The following TNR variants were observed in gnomAD, a reference collection of about 807,000 sequenced individuals.
TNR encodes the protein tenascin-R.
TNR carries 45 observed loss-of-function variants against 150.4 expected under a neutral mutation model. That is an observed-to-expected ratio of 0.30 (90% confidence interval 0.24 to 0.38). The LOEUF is 0.38. TNR is among the 10% of genes least tolerant of loss of function. The pLI, the probability that TNR is intolerant of heterozygous loss-of-function variation, is 1.00. For missense variants in TNR, 1,544 were observed against 1,759.1 expected (o/e 0.88, Z 2.19); for synonymous variants, 687 against 678.4 (o/e 1.01, Z -0.20).
At chr1:175,515,028 C>T (rs1250018839) in intron 2 of TNR, among the ~76,000 whole-genome samples, 3 of 152,160 alleles carry the variant, frequency 2.0e-5, no homozygotes, top group African/African-American at 7.2e-5. Context: ...GAGACCAACT[C>T]GTTCCGGGCC....
intron 2 of TNR, among the ~76,000 whole-genome samples, chr1:175,451,304 TTGG>T (rs1656307443): frequency 6.6e-6 from 1 of 152,180 alleles, no homozygotes; most frequent in South Asian, 2.1e-4. Context: ...ATGTGCCATG[TTGG>T]TGTGCTGCAC....
chr1:175,348,789 A>G (rs1260944421), intron 18 of TNR, among the ~76,000 whole-genome samples: 1 of 152,200 alleles, frequency 6.6e-6, no homozygotes, highest in Non-Finnish European at 1.5e-5. Context: ...AGAGAAATAA[A>G]TCTAGAAAGT....
rs1649823861 is a variant in TNR at position 175,331,078 on chromosome 1, C to CCTTCTCTTTCTTTCTTTCT, written c.3632-844_3632-843insAGAAAGAAAGAAAGAGAAG. ...CTTTCTTTCTTTCTTTCTTTCTTTCCTTCTTTCTTTCTTTCTTTCTTTCTC... is the reference window on the plus strand; with the variant it reads ...CTTTCTTTCTTTCTTTCTTTCTTTCCCTTCTCTTTCTTTCTTTCTTTCTTTCTTTCTTTCTTTCTTTCTC... On this transcript the variant is annotated intron_variant, in intron 20 of 22. Transcript: ENST00000367674. 8.0e-4 allele frequency among the ~76,000 whole-genome samples: 48 copies of CCTTCTCTTTCTTTCTTTCT among 59,948 alleles called. 4 individuals carry two copies. The highest frequency in any genetic ancestry group is 3.1e-3 in the Admixed American group (18 of 5,826). The allele number at this position is 59,948 out of a possible 152,430, so 39.3% of individuals were successfully genotyped here. A position where few individuals can be genotyped will look rare whatever the true frequency, so the allele number is the denominator to read the frequency against.
chr1:175,569,068 C>T (rs1661760753), intron 1 of TNR, among the ~76,000 whole-genome samples: 1 of 152,058 alleles, frequency 6.6e-6, no homozygotes, highest in Non-Finnish European at 1.5e-5. Context: ...AAACACAGCA[C>T]TGAAAGTGAG....
chr1:175,738,568 G>C (rs1029048497), intron 1 of TNR, among the ~76,000 whole-genome samples: 1 of 152,200 alleles, frequency 6.6e-6, no homozygotes, highest in Non-Finnish European at 1.5e-5. Flanking sequence ...GGAAAAATGA[G>C]AAAGTTCGGA....
chr1:175,708,735 G>A (rs955507485), intron 1 of TNR, among the ~76,000 whole-genome samples: 1 of 152,212 alleles, frequency 6.6e-6, no homozygotes, highest in Non-Finnish European at 1.5e-5. Flanking sequence ...CACACTTCGG[G>A]CCTTAAGAAG....
intron 1 of TNR, among the ~76,000 whole-genome samples, chr1:175,568,360 T>C (rs966698096): frequency 3.3e-5 from 5 of 152,126 alleles, no homozygotes; most frequent in African/African-American, 1.2e-4. Context: ...TTTCATGTAA[T>C]TGTTTAAAGA....
chr1:175,467,851 C>T (rs978087924), intron 2 of TNR, among the ~76,000 whole-genome samples: 26 of 152,112 alleles, frequency 1.7e-4, no homozygotes, highest in Admixed American at 8.5e-4. Context: ...AGAAATTACT[C>T]GTTAATATAT....
At chr1:175,597,400 A>G (rs912731295) in intron 1 of TNR, among the ~76,000 whole-genome samples, 4 of 152,214 alleles carry the variant, frequency 2.6e-5, no homozygotes, top group Non-Finnish European at 5.9e-5. Flanking sequence ...CCAGAGGCTC[A>G]TGTAATAGGA....
At chr1:175,700,858 T>C (rs1290409932) in intron 1 of TNR, among the ~76,000 whole-genome samples, 1 of 152,220 alleles carries the variant, frequency 6.6e-6, no homozygotes, top group Non-Finnish European at 1.5e-5. Context: ...TTTCTACTCA[T>C]TGACACCTGA....
chr1:175,461,293 G>A (rs1431111234), intron 2 of TNR, among the ~76,000 whole-genome samples: 1 of 152,178 alleles, frequency 6.6e-6, no homozygotes, highest in Admixed American at 6.5e-5. Context: ...AAGATTTATA[G>A]CACTCAGTGT....
chr1:175,685,594 G>C (rs918858025), intron 1 of TNR, among the ~76,000 whole-genome samples: 1 of 152,104 alleles, frequency 6.6e-6, no homozygotes, highest in African/African-American at 2.4e-5. Flanking sequence ...GGATAAGAAG[G>C]TGTGTCTTGG....
At chr1:175,350,203 G>A (rs991469048) in intron 18 of TNR, among the ~76,000 whole-genome samples, 11 of 152,170 alleles carry the variant, frequency 7.2e-5, no homozygotes, top group African/African-American at 2.4e-4. Context: ...GCCTGGATGT[G>A]GAAGGGCAGG....
chr1:175,738,921 GC>G, intron 1 of TNR, among the ~76,000 whole-genome samples: 1 of 152,292 alleles, frequency 6.6e-6, no homozygotes, highest in South Asian at 2.1e-4. Flanking sequence ...TCAAAATGAG[GC>G]AAAAGTGTAT....
At chr1:175,523,905 T>C (rs1404494192) in intron 2 of TNR, among the ~76,000 whole-genome samples, 3 of 152,314 alleles carry the variant, frequency 2.0e-5, no homozygotes, top group Non-Finnish European at 2.9e-5. Flanking sequence ...CTCCCTGCCA[T>C]GTACATAGCA....
At position 175,389,005 on chromosome 1, in the gene TNR, T is replaced by C. The variant is rs368055627; in HGVS notation, c.1507+2283A>G. ...TTCTATCCTCTTATGAACCATCTTC[T>C]CCTTTTAGCCTTTTGTCTTTTACTA... On this transcript the variant is annotated intron_variant, in intron 7 of 22. Coordinates refer to ENST00000367674, the MANE Select transcript of TNR (RefSeq NM_003285.3). Among the ~76,000 whole-genome samples the C allele has an allele frequency of 5.9e-5, 9 of 152,362 alleles. 1 individual carries two copies. Among genetic ancestry groups the C allele is most frequent in the African/African-American group, 2.2e-4 (9 of 41,582 alleles).
At chr1:175,559,129 C>T (rs1044679480) in intron 1 of TNR, among the ~76,000 whole-genome samples, 3 of 152,050 alleles carry the variant, frequency 2.0e-5, no homozygotes, top group Non-Finnish European at 4.4e-5. Context: ...TACAAACAAA[C>T]AAATGAACAA....
chr1:175,416,435 A>G (rs1654449447), intron 2 of TNR, among the ~76,000 whole-genome samples: 1 of 152,146 alleles, frequency 6.6e-6, no homozygotes, highest in African/African-American at 2.4e-5. Context: ...AATCTACACC[A>G]TTTTGGTCAG....
chr1:175,425,179 C>G (rs1326241711), intron 2 of TNR, among the ~76,000 whole-genome samples: 2 of 152,130 alleles, frequency 1.3e-5, no homozygotes, highest in African/African-American at 4.8e-5. Context: ...GGGAATCATA[C>G]AGCTCTGGAT....
Sources: allele counts gnomAD v4.1 joint callset (sites outside exome capture counted in the v4.1 genomes callset), GRCh38; gene constraint gnomAD v4.1.1; transcripts MANE v1.5; gene names NCBI Gene and HGNC (gene_info 2026-07-23, HGNC 2026-07-21).